Variants in CACNA1A observed in about 807,000 individuals in gnomAD.
CACNA1A encodes calcium voltage-gated channel subunit alpha1 A, also known as voltage-dependent P/Q-type calcium channel subunit alpha-1A.
CACNA1A carries 57 observed loss-of-function variants against 262.4 expected under a neutral mutation model. The observed-to-expected ratio is 0.22, with a 90% CI of 0.18 to 0.27. The LOEUF (loss-of-function observed/expected upper bound fraction) is 0.27, where lower values mean the gene tolerates loss of function less well. CACNA1A is among the 10% of genes least tolerant of loss of function. CACNA1A has a pLI of 1.00. For synonymous variants in CACNA1A, 1,431 were observed against 1,419.3 expected, an observed-to-expected ratio of 1.01 and a Z score of -0.18; for missense variants, 2,526 against 3,562.8, an observed-to-expected ratio of 0.71 and a Z score of 7.41.
chr19:13,361,399 A>G (rs2059108877), intron 5 of CACNA1A, among the ~76,000 whole-genome samples: 1 of 152,162 alleles, frequency 6.6e-6, no homozygotes, highest in Non-Finnish European at 1.5e-5. Flanking sequence ...CACATCTGGG[A>G]GTGTCCTCAT....
chr19:13,421,762 G>C (rs1409387855), intron 3 of CACNA1A, among the ~76,000 whole-genome samples: 2 of 152,042 alleles, frequency 1.3e-5, no homozygotes, highest in African/African-American at 4.8e-5. Context: ...CCAGAACTGT[G>C]GAAAATAAAT....
intron 1 of CACNA1A, among the ~76,000 whole-genome samples, chr19:13,471,766 G>C (rs576271419): frequency 6.6e-6 from 1 of 152,270 alleles, no homozygotes; most frequent in Non-Finnish European, 1.5e-5. Context: ...ACCAGGAGTG[G>C]TGGGGGTTGG....
intron 1 of CACNA1A, among the ~76,000 whole-genome samples, chr19:13,457,809 T>C (rs564625306): frequency 2.1e-5 from 3 of 144,846 alleles, no homozygotes; most frequent in South Asian, 2.2e-4. Context: ...GCCAAGATTG[T>C]GCCATTGCAC....
intron 3 of CACNA1A, among the ~76,000 whole-genome samples, chr19:13,413,365 C>A (rs1354328115): frequency 1.3e-5 from 2 of 151,170 alleles, no homozygotes; most frequent in Admixed American, 1.3e-4. Flanking sequence ...CTTGGCCTCC[C>A]AAAGTGCTGG....
chr19:13,451,431 G>A (rs932171721), intron 3 of CACNA1A: 6 of 152,416 alleles, frequency 3.9e-5, no homozygotes, highest in Non-Finnish European at 8.8e-5. Flanking sequence ...ACTTAGCTGA[G>A]AGGAGAGTAG....
chr19:13,489,732 A>C (rs1254067574), intron 1 of CACNA1A, among the ~76,000 whole-genome samples: 3 of 152,074 alleles, frequency 2.0e-5, no homozygotes, highest in Non-Finnish European at 4.4e-5. Context: ...GGGTCTCCCC[A>C]ACGAATCCCT....
rs138891608 is a variant in CACNA1A, at chr19:13,274,279, A to G, written c.3989+1571T>C. 1.8e-3 allele frequency: 273 copies of G among 152,230 alleles called. 1 individual carries two copies. Among genetic ancestry groups the G allele is most frequent in the African/African-American group, 6.0e-3 (251 of 41,526 alleles). The allele number at this position is 152,230 out of a possible 1,614,324, so 9.4% of individuals were successfully genotyped here. ...TTTTGTTCTAACACAACTTGACCTC[A>G]TTGTGTTCCCAGAGAAGAATCTAAG... On this transcript the variant is annotated intron_variant, in intron 24 of 46. Coordinates refer to ENST00000360228, the MANE Select transcript of CACNA1A (RefSeq NM_001127222.2).
intron 1 of CACNA1A, among the ~76,000 whole-genome samples, chr19:13,490,746 AAGAAAAG>A (rs1980737465): frequency 6.7e-6 from 1 of 150,150 alleles, no homozygotes; most frequent in Admixed American, 6.6e-5. Flanking sequence ...AAAAGAAAGA[AAGAAAAG>A]AAGGAAGAAG....
At chr19:13,279,630 G>A (rs147782725) in intron 22 of CACNA1A, among the ~76,000 whole-genome samples, 136 of 151,944 alleles carry the variant, frequency 9.0e-4, no homozygotes, top group East Asian at 2.5e-3. Flanking sequence ...GATTACAGGC[G>A]CATGCTACCA....
intron 3 of CACNA1A, among the ~76,000 whole-genome samples, chr19:13,437,450 G>C (rs2060630485): frequency 6.6e-6 from 1 of 152,144 alleles, no homozygotes; most frequent in South Asian, 2.1e-4. Context: ...CAGCATTTTG[G>C]GAGGCTGAGG....
chr19:13,445,207 T>C (rs1459989173), intron 3 of CACNA1A, among the ~76,000 whole-genome samples: 2 of 152,078 alleles, frequency 1.3e-5, no homozygotes, highest in African/African-American at 4.8e-5. Flanking sequence ...TGATGGTTCC[T>C]GTGTAGTTGT....
chr19:13,257,149 A>T, intron 28 of CACNA1A: 1 of 486,382 alleles, frequency 2.1e-6, no homozygotes, highest in South Asian at 3.2e-5. Flanking sequence ...ACCTAGTCTA[A>T]ACTGACTGAT....
intron 22 of CACNA1A, among the ~76,000 whole-genome samples, chr19:13,280,329 C>T (rs1005116674): frequency 1.3e-4 from 20 of 151,434 alleles, no homozygotes; most frequent in Non-Finnish European, 2.8e-4. Context: ...GTGTGCACCA[C>T]CACGCTCGGT....
rs115100186 is a variant in CACNA1A, at chr19:13,440,135, T to A, written c.539+12741A>T. On this transcript the variant is annotated intron_variant, in intron 3 of 46. Coordinates refer to ENST00000360228, the MANE Select transcript of CACNA1A (RefSeq NM_001127222.2). ...CTACCACCCCCAGCTAATTAAAAAA[T>A]TTTTAAGAGATAGGGGTCTCACTAT... Among the ~76,000 whole-genome samples, 1,021 of 152,244 alleles carry A rather than the reference T, an allele frequency of 6.7e-3. 17 individuals are homozygous for A. Among genetic ancestry groups the A allele is most frequent in the African/African-American group, 0.022 (923 of 41,546 alleles).
intron 46 of CACNA1A, 149 bp downstream of exon 46, chr19:13,208,607 C>T (rs2054668921): frequency 2.0e-6 from 2 of 1,018,282 alleles, no homozygotes; most frequent in Admixed American, 3.0e-5. Flanking sequence ...GGCCGCCGGG[C>T]ACCCCGGTGG....
chr19:13,277,025 A>C (rs761785700), intron 23 of CACNA1A, 44 bp downstream of exon 23: 2 of 1,427,164 alleles, frequency 1.4e-6, no homozygotes, highest in East Asian at 4.6e-5. Flanking sequence ...CACTTGCTTA[A>C]AAAAAAAAAT....
At chr19:13,423,493 G>T (rs536049826) in intron 3 of CACNA1A, among the ~76,000 whole-genome samples, 6 of 152,098 alleles carry the variant, frequency 3.9e-5, no homozygotes, top group South Asian at 4.1e-4. Flanking sequence ...ATCCCAGAGA[G>T]AATTTTCTTT....
intron 10 of CACNA1A, among the ~76,000 whole-genome samples, chr19:13,319,637 C>T (rs111661475): frequency 6.6e-6 from 1 of 152,296 alleles, no homozygotes; most frequent in Non-Finnish European, 1.5e-5. Flanking sequence ...CCGACTCATA[C>T]TGGGTTTGTG....
chr19:13,312,188 A>C (rs1216014733), intron 12 of CACNA1A, among the ~76,000 whole-genome samples: 1 of 152,260 alleles, frequency 6.6e-6, no homozygotes, highest in African/African-American at 2.4e-5. Context: ...TTTAAAAAAT[A>C]AATTAATTAA....
Sources: allele counts gnomAD v4.1 joint callset (sites outside exome capture counted in the v4.1 genomes callset), GRCh38; gene constraint gnomAD v4.1.1; transcripts MANE v1.5; gene names NCBI Gene and HGNC (gene_info 2026-07-23, HGNC 2026-07-21).